The following TERT variants were observed in gnomAD, a reference collection of about 807,000 sequenced individuals.
The protein encoded by TERT is telomerase catalytic subunit.
TERT carries 42 observed loss-of-function variants against 104.0 expected under a neutral mutation model. The observed-to-expected ratio is 0.40, with a 90% CI of 0.32 to 0.52. The LOEUF is 0.52. Ranked by LOEUF, TERT falls within the 20% of genes least tolerant of loss-of-function variation. The probability of loss-of-function intolerance (pLI) is 0.43; values close to 1 mark genes in which losing one functional copy is unlikely to be tolerated. For synonymous variants in TERT, 781 were observed against 725.6 expected, an observed-to-expected ratio of 1.08 and a Z score of -1.23; for missense variants, 1,101 against 1,610.3, an observed-to-expected ratio of 0.68 and a Z score of 5.41.
rs778496417 is a variant in TERT, at chr5:1,279,447, C to T, written c.1974G>A (p.Val658=). The T allele has an allele frequency of 1.0e-4, 156 of 1,550,142 alleles. No individual in the cohort carries two copies. The highest frequency in any genetic ancestry group is 1.3e-4 in the Non-Finnish European group (148 of 1,147,938). The change falls in exon 5 of 16, where the codon GTG becomes GTA. Residue 658 remains valine (V), a synonymous_variant. Coordinates refer to ENST00000310581, the MANE Select transcript of TERT (RefSeq NM_198253.3). ...EKRAERLTSR[V]KALFSVLNYE... ...AGTTGAGCACGCTGAACAGTGCCTT[C>T]ACCCTCGAGGTGAGACGCTCGGCCT...
intron 10 of TERT, among the ~76,000 whole-genome samples, chr5:1,266,234 C>T (rs547222311): frequency 3.3e-5 from 5 of 152,368 alleles, no homozygotes; most frequent in South Asian, 2.1e-4. Flanking sequence ...AACCTGGGTG[C>T]GTCTCTGCAG....
At chr5:1,264,746 G>A (rs1405868471) in intron 10 of TERT, among the ~76,000 whole-genome samples, 154 bp from the exon 11 acceptor site, 2 of 152,314 alleles carry the variant, frequency 1.3e-5, no homozygotes, top group East Asian at 3.9e-4. Context: ...CCTGGACCCA[G>A]CCCTGCTCCA....
At chr5:1,282,857 G>A in intron 2 of TERT, 1 of 595,158 alleles carries the variant, frequency 1.7e-6, no homozygotes, top group Non-Finnish European at 3.0e-6. Flanking sequence ...CGAGGGCCTG[G>A]CGAACTCACC....
chr5:1,293,780 C>T lies in TERT; in HGVS notation c.1106G>A (p.Arg369Lys). 1 of 1,553,686 alleles carries T rather than the reference C, an allele frequency of 6.4e-7. No homozygotes were observed. Among genetic ancestry groups the T allele is most frequent in the Non-Finnish European group, 8.7e-7 (1 of 1,148,714 alleles). Reference sequence around the variant, plus strand: ...GCGGGGAGTCCCTGGCATCCAGGGCCTGGAACCCAGAAAGATGGTCTCCAC... The same window carrying T: ...GCGGGGAGTCCCTGGCATCCAGGGCTTGGAACCCAGAAAGATGGTCTCCAC... ...RLVETIFLGSRPWMPGTPRRL... is the reference protein window; with the variant it reads ...RLVETIFLGSKPWMPGTPRRL... The change falls in exon 2 of 16, where the codon AGG becomes AAG. Residue 369 changes from arginine to lysine, a missense_variant. Coordinates refer to ENST00000310581, the MANE Select transcript of TERT (RefSeq NM_198253.3).
intron 6 of TERT, among the ~76,000 whole-genome samples, chr5:1,277,990 G>A (rs1172433660): frequency 7.3e-5 from 11 of 151,218 alleles, no homozygotes; most frequent in Admixed American, 7.2e-4. Context: ...TCTGGGAGGA[G>A]TGTGTCCCGG....
At chr5:1,260,734 G>A in intron 11 of TERT, 134 bp from the exon 12 acceptor site, 1 of 1,295,440 alleles carries the variant, frequency 7.7e-7, no homozygotes, top group Non-Finnish European at 1.1e-6. Flanking sequence ...TGCAGCCCGA[G>A]GGGGCTGGGT....
In TERT at chr5:1,294,509, G is replaced by A; in HGVS notation, c.377C>T (p.Thr126Met). Residue 126 changes from threonine (T) to methionine (M), a missense_variant, in exon 2 of 16, where the codon ACG becomes ATG. This residue lies in a region of TERT where 47 missense variants were observed against 105.3 expected (regional missense o/e 0.45). Coordinates refer to ENST00000310581, the MANE Select transcript of TERT (RefSeq NM_198253.3). ...TTSVRSYLPNTVTDALRGSGA... is the reference protein window; with the variant it reads ...TTSVRSYLPNMVTDALRGSGA... ...GCTCCCCCGCAGTGCGTCGGTCACC[G>A]TGTTGGGCAGGTAGCTGCGCACGCT... 1 of 1,582,468 alleles carries A rather than the reference G, an allele frequency of 6.3e-7. No homozygotes were observed. The highest frequency in any genetic ancestry group is 8.5e-7 in the Non-Finnish European group (1 of 1,172,226).
Position 1,254,517 on chromosome 5 carries a change from CAG to C in TERT, c.3158-14_3158-13del. ...CCCCAGCGACATCCCTGGGGGAAAA[CAG>C]AGGCTGAGGAGTCACAGGCCCAGCC... On this transcript the variant is annotated splice_polypyrimidine_tract_variant and intron_variant, in intron 14 of 15. Coordinates refer to ENST00000310581, the MANE Select transcript of TERT (RefSeq NM_198253.3). 1 of 1,608,784 alleles carries C rather than the reference CAG, an allele frequency of 6.2e-7. No individual in the cohort carries two copies. The highest frequency in any genetic ancestry group is 8.5e-7 in the Non-Finnish European group (1 of 1,178,568).
In TERT at chr5:1,272,190, C is replaced by T. The variant is rs1043358053; in HGVS notation, c.2377G>A (p.Glu793Lys). The change falls in exon 7 of 16, where the codon GAG (glutamate) becomes AAG (lysine). Residue 793 changes from glutamate to lysine, a missense_variant. Coordinates refer to ENST00000310581, the MANE Select transcript of TERT (RefSeq NM_198253.3). ...TSPLRDAVVI[E>K]QSSSLNEASS... ...CTGCAGGGCAGTGCCCAGACCTGCT[C>T]GATGACGACGGCATCCCTCAGCGGG... 5.0e-6 allele frequency: 8 copies of T among 1,610,630 alleles called. No individual in the cohort carries two copies. Among genetic ancestry groups the T allele is most frequent in the South Asian group, 1.1e-5 (1 of 90,468 alleles).
intron 3 of TERT, among the ~76,000 whole-genome samples, chr5:1,280,624 C>G (rs1468531849): frequency 6.6e-6 from 1 of 152,184 alleles, no homozygotes. Flanking sequence ...CACCAGGGAG[C>G]CTGGTCCCAG....
intron 2 of TERT, among the ~76,000 whole-genome samples, chr5:1,289,213 G>T (rs1340257990): frequency 6.9e-6 from 1 of 145,912 alleles, no homozygotes; most frequent in Non-Finnish European, 1.5e-5. Context: ...CGGGGACGGC[G>T]CCTCACTCAC....
rs753605674 is a variant in TERT, at chr5:1,268,061, C to T, written c.2582+459G>A. On this transcript the variant is annotated intron_variant, in intron 9 of 15. Transcript: ENST00000310581. The surrounding 1 kb of genome is among the most constrained non-coding windows in gnomAD (Gnocchi z 5.5). ...GGTTGGCACGATATTTAGGTGTGTG[C>T]GTCCTTGGGTGTAGACCCCATGCAA... Among the ~76,000 whole-genome samples, 3 of 152,076 alleles carry T rather than the reference C, an allele frequency of 2.0e-5. No homozygotes were observed. Among genetic ancestry groups the T allele is most frequent in the East Asian group, 3.8e-4 (2 of 5,198 alleles).
rs2126692283 is a variant in TERT, at chr5:1,294,902, G to A, written c.88C>T (p.Arg30Cys). The A allele has an allele frequency of 1.4e-6, 2 of 1,432,854 alleles. No homozygotes were observed. The highest frequency in any genetic ancestry group is 1.4e-5 in the South Asian group (1 of 70,408). 88.8% of individuals were successfully genotyped at this position (1,432,854 alleles called of 1,614,324 possible). A position where few individuals can be genotyped will look rare whatever the true frequency, so the allele number is the denominator to read the frequency against. ...AGCCGCCAGCCCTGGGGCCCCAGGC[G>A]CCGCACGAACGTGGCCAGCGGCAGC... ...EVLPLATFVRRLGPQGWRLVQ... is the reference protein window; with the variant it reads ...EVLPLATFVRCLGPQGWRLVQ... Residue 30 changes from arginine (R) to cysteine (C), a missense_variant, in exon 1 of 16, where the codon CGC (arginine) becomes TGC (cysteine). By Grantham distance (180) the Arg-to-Cys change is radical. This residue lies in a region of TERT where 87 missense variants were observed against 145.4 expected (regional missense o/e 0.60). Coordinates refer to ENST00000310581, the MANE Select transcript of TERT (RefSeq NM_198253.3).
chr5:1,253,805 G>A lies in TERT; in HGVS notation c.3322C>T (p.Pro1108Ser), dbSNP rs763647787. 1 of 1,611,452 alleles carries A rather than the reference G, an allele frequency of 6.2e-7. No individual in the cohort carries two copies. The highest frequency in any genetic ancestry group is 1.7e-5 in the Admixed American group (1 of 59,870). Residue 1108 changes from proline to serine, a missense_variant, in exon 16 of 16, where the codon CCG (proline) becomes TCG (serine). Transcript: ENST00000310581. ...TCCAGGGCAGTCAGCGTCGTCCCCG[G>A]GAGCTTCCGACTCAGCTGCGTCTGG... ...TAQTQLSRKL[P>S]GTTLTALEAA...
At chr5:1,264,166 G>A (rs940332814) in intron 11 of TERT, 2 of 574,818 alleles carry the variant, frequency 3.5e-6, no homozygotes, top group South Asian at 2.0e-5. Context: ...CAGGTCTGGT[G>A]CACCATTTCC....
At position 1,294,529 on chromosome 5, in the gene TERT, C is replaced by G; in HGVS notation, c.357G>C (p.Val119=). The G allele has an allele frequency of 1.9e-6, 3 of 1,577,342 alleles. No individual in the cohort carries two copies. The highest frequency in any genetic ancestry group is 1.7e-6 in the Non-Finnish European group (2 of 1,169,574). Residue 119 remains valine, a synonymous_variant, in exon 2 of 16, where the codon GTG becomes GTC. Coordinates refer to ENST00000310581, the MANE Select transcript of TERT (RefSeq NM_198253.3). ...GGPPEAFTTS[V]RSYLPNTVTD... ...TCACCGTGTTGGGCAGGTAGCTGCGCACGCTGGTGGTGAAGGCCTCGGGGG... is the reference window on the plus strand; with the variant it reads ...TCACCGTGTTGGGCAGGTAGCTGCGGACGCTGGTGGTGAAGGCCTCGGGGG...
chr5:1,284,034 AC>A (rs34785213), intron 2 of TERT, among the ~76,000 whole-genome samples: 4,722 of 143,058 alleles, frequency 0.033, 111 homozygotes, highest in Non-Finnish European at 0.052. Context: ...CTCACCCCGG[AC>A]CTGCACCATC....
At position 1,274,113 on chromosome 5, in the gene TERT, G is replaced by A. The variant is rs369291664; in HGVS notation, c.2287-1833C>T. Among the ~76,000 whole-genome samples the A allele has an allele frequency of 1.0e-3, 152 of 152,336 alleles. No individual in the cohort carries two copies. The highest frequency in any genetic ancestry group is 3.5e-3 in the African/African-American group (146 of 41,576). On this transcript the variant is annotated intron_variant, in intron 6 of 15. Transcript: ENST00000310581. This position sits in a 1 kb window ranked among gnomAD's most constrained non-coding sequence, Gnocchi z 5.3. The stretch of plus-strand genomic sequence containing the variant: ...CGGACACAGGAGGCCTCGAGCTTGT[G>A]AGGCATCAAAAGACGCGCACGGTGA...
Position 1,255,155 on chromosome 5 carries a change from G to T in TERT, c.3157+132C>A. 8.4e-7 allele frequency: 1 copy of T among 1,185,006 alleles called. No homozygotes were observed. The highest frequency in any genetic ancestry group is 1.2e-6 in the Non-Finnish European group (1 of 827,276). The allele number at this position is 1,185,006 out of a possible 1,614,324, so 73.4% of individuals were successfully genotyped here. On this transcript the variant is annotated intron_variant, in intron 14 of 15. Coordinates refer to ENST00000310581, the MANE Select transcript of TERT (RefSeq NM_198253.3). This position sits in a 1 kb window ranked among gnomAD's most constrained non-coding sequence, Gnocchi z 6.9. ...AGAGGGCGGGCAGACGAGCCTGACA[G>T]TGGTTGGGTTAAACCACTTCCTGAT...
Sources: allele counts gnomAD v4.1 joint callset (sites outside exome capture counted in the v4.1 genomes callset), GRCh38; gene constraint gnomAD v4.1.1; regional missense constraint gnomAD v4.1.1; non-coding constraint Gnocchi (gnomAD v3.1); transcripts MANE v1.5; gene names NCBI Gene and HGNC (gene_info 2026-07-23, HGNC 2026-07-21).